The following EIF4E3 variants were observed in gnomAD, a reference collection of about 807,000 sequenced individuals.
EIF4E3 encodes eukaryotic translation initiation factor 4E family member 3, also known as eukaryotic translation initiation factor 4E type 3.
Under a neutral mutation model 31.7 loss-of-function variants are expected in EIF4E3, and 26 were observed. That is an observed-to-expected ratio of 0.82 (90% CI 0.60 to 1.14). The LOEUF is 1.14. Ranked by LOEUF, EIF4E3 falls within the 50% of genes most tolerant of loss-of-function variation. The pLI is 0.00. For synonymous variants in EIF4E3, 128 were observed against 107.7 expected (o/e 1.19, Z -1.17); for missense variants, 304 against 270.9 (o/e 1.12, Z -0.86).
At chr3:71,707,019 T>TG (rs1491359025) in intron 2 of EIF4E3, among the ~76,000 whole-genome samples, 1 of 152,214 alleles carries the variant, frequency 6.6e-6, no homozygotes, top group East Asian at 1.9e-4. Context: ...CATACACCTC[T>TG]GTGTTAGTGG....
chr3:71,748,477 T>G (rs2049895538), intron 1 of EIF4E3, among the ~76,000 whole-genome samples: 1 of 151,790 alleles, frequency 6.6e-6, no homozygotes, highest in Non-Finnish European at 1.5e-5. Context: ...GAGATGAAGG[T>G]AGGAGGAGGA....
rs1237135234 is a variant in EIF4E3 at position 71,680,809 on chromosome 3, T to A, written c.*3873A>T. ...TTACAATCCTGAGTCACCAAACTCTTGAGTAATTTTAACTGATCTCAATAT... is the reference window on the plus strand; with the variant it reads ...TTACAATCCTGAGTCACCAAACTCTAGAGTAATTTTAACTGATCTCAATAT... On this transcript the variant is annotated 3_prime_UTR_variant, in exon 7 of 7. Transcript: ENST00000425534. The A allele has an allele frequency of 6.6e-6, 1 of 152,202 alleles. No individual in the cohort carries two copies. The highest frequency in any genetic ancestry group is 2.4e-5 in the African/African-American group (1 of 41,448). The allele number at this position is 152,202 out of a possible 1,614,324, so 9.4% of individuals were successfully genotyped here.
intron 1 of EIF4E3, among the ~76,000 whole-genome samples, chr3:71,712,190 T>G (rs2049389835): frequency 6.6e-6 from 1 of 152,176 alleles, no homozygotes. Flanking sequence ...ACACCATGAC[T>G]GCATTTTGTT....
intron 6 of EIF4E3, among the ~76,000 whole-genome samples, chr3:71,686,543 AGTGTGTGTGT>A (rs61264269): frequency 9.1e-5 from 13 of 143,600 alleles, no homozygotes; most frequent in East Asian, 2.0e-4. Flanking sequence ...TTTCACATTG[AGTGTGTGTGT>A]GTGTGTGTGT....
chr3:71,751,466 G>A (rs952233988), intron 1 of EIF4E3, among the ~76,000 whole-genome samples: 9 of 152,180 alleles, frequency 5.9e-5, no homozygotes, highest in African/African-American at 1.2e-4. Context: ...GCTGCCATTA[G>A]TATTACCATA....
In EIF4E3 at chr3:71,677,053, C is replaced by T. The variant is rs555753052; in HGVS notation, c.*7629G>A. 4 of 152,334 alleles carry T rather than the reference C, an allele frequency of 2.6e-5. No individual in the cohort carries two copies. The highest frequency in any genetic ancestry group is 9.6e-5 in the African/African-American group (4 of 41,570). The allele number at this position is 152,334 out of a possible 1,614,324, so 9.4% of individuals were successfully genotyped here. On this transcript the variant is annotated 3_prime_UTR_variant, in exon 7 of 7. Transcript: ENST00000425534. Reference sequence around the variant, plus strand: ...TCTTTAATGCTTAGAGGAGCACACACATTTAGCCCTGCCATCTGTACAAAT... The same window carrying T: ...TCTTTAATGCTTAGAGGAGCACACATATTTAGCCCTGCCATCTGTACAAAT...
At position 71,680,097 on chromosome 3, in the gene EIF4E3, G is replaced by A. The variant is rs1217931622; in HGVS notation, c.*4585C>T. 4 of 152,116 alleles carry A rather than the reference G, an allele frequency of 2.6e-5. No homozygotes were observed. Among genetic ancestry groups the A allele is most frequent in the Admixed American group, 1.3e-4 (2 of 15,268 alleles). The allele number at this position is 152,116 out of a possible 1,614,324, so 9.4% of individuals were successfully genotyped here. ...TCCCAGCCATAAAGTTCTTATTCAC[G>A]AGCATCATCTACTCAAGTCTCAGTA... On this transcript the variant is annotated 3_prime_UTR_variant, in exon 7 of 7. Transcript: ENST00000425534.
At chr3:71,716,399 A>AT (rs1253985750) in intron 1 of EIF4E3, among the ~76,000 whole-genome samples, 2 of 151,930 alleles carry the variant, frequency 1.3e-5, no homozygotes, top group Admixed American at 6.6e-5. Flanking sequence ...CGCCCAGCTA[A>AT]TTTTTTTGTA....
At chr3:71,750,735 C>T (rs1376165551) in intron 1 of EIF4E3, among the ~76,000 whole-genome samples, 1 of 150,396 alleles carries the variant, frequency 6.6e-6, no homozygotes, top group Non-Finnish European at 1.5e-5. Flanking sequence ...GCCTGGGAAA[C>T]ATAGGGAGAC....
chr3:71,717,696 G>C (rs2049486178), intron 1 of EIF4E3, among the ~76,000 whole-genome samples: 1 of 152,230 alleles, frequency 6.6e-6, no homozygotes, highest in Non-Finnish European at 1.5e-5. Context: ...GGGACACCAG[G>C]GCTTGGAGTC....
chr3:71,670,662 G>C (rs1346121503), downstream of EIF4E3, among the ~76,000 whole-genome samples: 1 of 152,198 alleles, frequency 6.6e-6, no homozygotes, highest in Non-Finnish European at 1.5e-5. Context: ...TTCTACTGTA[G>C]AATGGAATTT....
chr3:71,685,017 G>C (rs567669502), intron 6 of EIF4E3, among the ~76,000 whole-genome samples: 1 of 152,330 alleles, frequency 6.6e-6, no homozygotes, highest in Non-Finnish European at 1.5e-5. Flanking sequence ...CCGATGAAGA[G>C]AGTATGTTGG....
rs11403409 is a variant in EIF4E3, at chr3:71,712,852, C to CAAAAAAAA, written c.177-2376_177-2369dup. On this transcript the variant is annotated intron_variant, in intron 1 of 6. Transcript: ENST00000425534. Reference sequence around the variant, plus strand: ...GAGGATAATACCATTTAACCTAGACCAAAAAAAAAAAAAAAAAAAGCACTG... The same window carrying CAAAAAAAA: ...GAGGATAATACCATTTAACCTAGACCAAAAAAAAAAAAAAAAAAAAAAAAAAAGCACTG... Among the ~76,000 whole-genome samples, 5 of 121,234 alleles carry CAAAAAAAA rather than the reference C, an allele frequency of 4.1e-5. 2 individuals carry two copies. The highest frequency in any genetic ancestry group is 6.7e-5 in the Non-Finnish European group (4 of 59,886). 79.5% of individuals were successfully genotyped at this position (121,234 alleles called of 152,430 possible).
At chr3:71,698,869 C>T (rs1469659446) in intron 3 of EIF4E3, among the ~76,000 whole-genome samples, 1 of 152,190 alleles carries the variant, frequency 6.6e-6, no homozygotes, top group Non-Finnish European at 1.5e-5. Flanking sequence ...AGAAACTACC[C>T]CTACCAGTGA....
In EIF4E3 at chr3:71,704,387, T is replaced by G. The variant is rs17664661; in HGVS notation, c.250-4679A>C. Among the ~76,000 whole-genome samples, 1,346 of 152,244 alleles carry G rather than the reference T, an allele frequency of 8.8e-3. 10 individuals are homozygous for G. The highest frequency in any genetic ancestry group is 0.014 in the Non-Finnish European group (964 of 68,012). On this transcript the variant is annotated intron_variant, in intron 2 of 6. Transcript: ENST00000425534. ...GGTACAGCCCAAGAGGCTCCAAGACTCCCAGAAAAGGCCCTCATTCCTACA... is the reference window on the plus strand; with the variant it reads ...GGTACAGCCCAAGAGGCTCCAAGACGCCCAGAAAAGGCCCTCATTCCTACA...
chr3:71,718,854 A>C (rs1439869953), intron 1 of EIF4E3, among the ~76,000 whole-genome samples: 1 of 152,166 alleles, frequency 6.6e-6, no homozygotes, highest in African/African-American at 2.4e-5. Flanking sequence ...CTCACAAAAA[A>C]TAAAATCCTG....
chr3:71,748,418 A>C (rs1376134511), intron 1 of EIF4E3, among the ~76,000 whole-genome samples: 1 of 152,214 alleles, frequency 6.6e-6, no homozygotes, highest in Non-Finnish European at 1.5e-5. Flanking sequence ...CAGAAGAACA[A>C]GGAAGAACTG....
intron 1 of EIF4E3, among the ~76,000 whole-genome samples, chr3:71,737,723 C>A (rs2049777434): frequency 6.6e-6 from 1 of 152,072 alleles, no homozygotes; most frequent in Non-Finnish European, 1.5e-5. Flanking sequence ...GCCAGGAGTT[C>A]AAGACCGGCC....
intron 1 of EIF4E3, among the ~76,000 whole-genome samples, chr3:71,710,841 T>G (rs2108078667): frequency 6.6e-6 from 1 of 152,342 alleles, no homozygotes; most frequent in East Asian, 1.9e-4. Context: ...AACTGCCTAT[T>G]GTACAGACGA....
Sources: allele counts gnomAD v4.1 joint callset (sites outside exome capture counted in the v4.1 genomes callset), GRCh38; gene constraint gnomAD v4.1.1; transcripts MANE v1.5; gene names NCBI Gene and HGNC (gene_info 2026-07-23, HGNC 2026-07-21).